The following PATJ variants were observed in gnomAD, a reference collection of about 807,000 sequenced individuals.
PATJ encodes inaD-like protein.
In PATJ, 190 loss-of-function variants were observed where a neutral mutation model predicts 224.9. The ratio of observed to expected loss-of-function variants is 0.84; its 90% confidence interval spans 0.75 to 0.95. PATJ has a LOEUF of 0.95. Among genes scored for constraint, PATJ ranks in the 40% least tolerant of loss-of-function variants. PATJ has a pLI of 0.00. For missense variants in PATJ, 2,121 were observed against 2,270.3 expected (o/e 0.93, Z 1.34); for synonymous variants, 769 against 820.3 (o/e 0.94, Z 1.07).
intron 41 of PATJ, among the ~76,000 whole-genome samples, chr1:62,143,711 A>C (rs1270748025): frequency 6.6e-6 from 1 of 152,006 alleles, no homozygotes; most frequent in African/African-American, 2.4e-5. Flanking sequence ...CTGCCTCCCA[A>C]AGTGCTGGGA....
chr1:62,153,421 A>G lies in PATJ; in HGVS notation c.5442A>G (p.Val1814=). 6 of 1,231,494 alleles carry G rather than the reference A, an allele frequency of 4.9e-6. No homozygotes were observed. The highest frequency in any genetic ancestry group is 6.1e-6 in the Non-Finnish European group (6 of 987,378). The allele number at this position is 1,231,494 out of a possible 1,614,324, so 76.3% of individuals were successfully genotyped here. Residue 1814 remains valine (V), a synonymous_variant, in exon 43 of 44, where the codon GTA becomes GTG. Transcript: ENST00000642238. ...KGSEGLGFSI[V]GGYGSPHGDL... ...CTGAAGGCTTGGGGTTTAGTATTGT[A>G]GGGGGTTATGGAAGTCCCCATGGAG...
intron 27 of PATJ, among the ~76,000 whole-genome samples, chr1:61,935,886 T>G (rs1676789080): frequency 1.3e-5 from 2 of 152,228 alleles, no homozygotes; most frequent in Non-Finnish European, 2.9e-5. Flanking sequence ...TTCTTATTGT[T>G]TTATTTCAAT....
chr1:61,788,080 C>A, intron 8 of PATJ, 108 bp downstream of exon 8: 1 of 794,092 alleles, frequency 1.3e-6, no homozygotes, highest in Non-Finnish European at 1.9e-6. Flanking sequence ...GAGTTGTGCG[C>A]TCACTAGTGA....
chr1:61,852,412 A>G (rs1173424452), intron 17 of PATJ: 1 of 152,170 alleles, frequency 6.6e-6, no homozygotes, highest in Non-Finnish European at 1.5e-5. Flanking sequence ...AGATTTTACA[A>G]TTATGATGAA....
At chr1:62,102,487 C>A (rs568898602) in intron 33 of PATJ, among the ~76,000 whole-genome samples, 15 of 151,998 alleles carry the variant, frequency 9.9e-5, no homozygotes, top group Non-Finnish European at 2.1e-4. Flanking sequence ...AGAAAAAAAT[C>A]ATTAAGTGAA....
chr1:61,890,013 C>T (rs891600264), intron 22 of PATJ, among the ~76,000 whole-genome samples: 1 of 152,072 alleles, frequency 6.6e-6, no homozygotes, highest in African/African-American at 2.4e-5. Context: ...CCTATGGGTG[C>T]CCCTAGGGGG....
intron 27 of PATJ, among the ~76,000 whole-genome samples, chr1:61,948,509 A>G (rs1465099451): frequency 1.3e-5 from 2 of 152,240 alleles, no homozygotes; most frequent in African/African-American, 2.4e-5. Flanking sequence ...CAAAACCACA[A>G]TGAGACACCA....
rs145002503 is a variant in PATJ at position 61,812,075 on chromosome 1, A to G, written c.1683+3545A>G. 3.0e-4 allele frequency among the ~76,000 whole-genome samples: 45 copies of G among 151,776 alleles called. 1 individual carries two copies. The highest frequency in any genetic ancestry group is 7.9e-4 in the Admixed American group (12 of 15,222). ...GACTCCATCTCAAAAAAAAAACACT[A>G]TATTTTTCATCTATTTCTGTATTTG... On this transcript the variant is annotated intron_variant, in intron 14 of 43. Transcript: ENST00000642238.
At chr1:61,793,740 G>T (rs1410681255) in intron 9 of PATJ, among the ~76,000 whole-genome samples, 2 of 141,304 alleles carry the variant, frequency 1.4e-5, no homozygotes, top group African/African-American at 5.1e-5. Flanking sequence ...AAAAAAAAAA[G>T]CCTGGTGTGT....
At chr1:61,830,969 C>T (rs1472863510) in intron 16 of PATJ, among the ~76,000 whole-genome samples, 2 of 151,982 alleles carry the variant, frequency 1.3e-5, no homozygotes, top group Non-Finnish European at 1.5e-5. Flanking sequence ...GGACAGATCA[C>T]GAGGTCAGGA....
At chr1:61,861,758 T>C (rs892075423) in intron 19 of PATJ, 91 bp downstream of exon 19, 20 of 593,276 alleles carry the variant, frequency 3.4e-5, no homozygotes, top group Non-Finnish European at 2.0e-5. Flanking sequence ...GACAAAAGCT[T>C]GTCCTTATCC....
intron 18 of PATJ, among the ~76,000 whole-genome samples, chr1:61,860,150 A>C (rs1018932326): frequency 6.6e-6 from 1 of 152,212 alleles, no homozygotes; most frequent in Non-Finnish European, 1.5e-5. Flanking sequence ...AAAGAGGCTT[A>C]AAACCTAGGT....
intron 27 of PATJ, among the ~76,000 whole-genome samples, chr1:61,970,967 A>G (rs761531751): frequency 2.6e-5 from 4 of 152,254 alleles, no homozygotes; most frequent in Non-Finnish European, 5.9e-5. Flanking sequence ...CTCACAAGCA[A>G]GCTTAATTAA....
At chr1:62,146,184 G>A (rs1038925756) in intron 41 of PATJ, among the ~76,000 whole-genome samples, 3 of 152,012 alleles carry the variant, frequency 2.0e-5, no homozygotes, top group Admixed American at 2.0e-4. Flanking sequence ...CTGAGGTGGG[G>A]ATGCGTCTGG....
intron 27 of PATJ, among the ~76,000 whole-genome samples, chr1:61,948,253 A>C (rs142309489): frequency 0.025 from 3,786 of 152,320 alleles, 150 homozygotes; most frequent in African/African-American, 0.086. Flanking sequence ...CAGCAAAAGA[A>C]ACTACCATCA....
At chr1:61,752,784 A>G (rs1645408403) in intron 1 of PATJ, among the ~76,000 whole-genome samples, 1 of 152,230 alleles carries the variant, frequency 6.6e-6, no homozygotes. Context: ...AGGCTTAAGC[A>G]TATATCTGCA....
At chr1:61,880,332 T>C (rs370554846) in intron 21 of PATJ, among the ~76,000 whole-genome samples, 3 of 152,222 alleles carry the variant, frequency 2.0e-5, no homozygotes, top group African/African-American at 7.2e-5. Context: ...TCTATAAACA[T>C]TTGTTAAGTG....
At chr1:61,867,702 T>C (rs981554295) in intron 20 of PATJ, among the ~76,000 whole-genome samples, 5 of 152,160 alleles carry the variant, frequency 3.3e-5, no homozygotes, top group Admixed American at 6.5e-5. Context: ...TTTTATTTTC[T>C]TTAAGTAATT....
intron 22 of PATJ, among the ~76,000 whole-genome samples, chr1:61,891,454 A>G (rs920012777): frequency 6.6e-6 from 1 of 152,138 alleles, no homozygotes; most frequent in Non-Finnish European, 1.5e-5. Flanking sequence ...TTTCAGAGAG[A>G]GGGCTACTCT....
Sources: gnomAD v4.1 joint callset for allele counts (sites outside exome capture counted in the v4.1 genomes callset) on GRCh38, gnomAD v4.1.1 for gene constraint, MANE v1.5 for transcripts, NCBI Gene and HGNC (gene_info 2026-07-23, HGNC 2026-07-21) for gene names.